The following SLC4A10 variants were observed in gnomAD, a reference collection of about 807,000 sequenced individuals.
SLC4A10 encodes the protein solute carrier family 4 member 10.
A neutral mutation model predicts 137.7 loss-of-function variants in SLC4A10; 42 were observed. That is an observed-to-expected ratio of 0.30 (90% CI 0.24 to 0.39). The LOEUF (loss-of-function observed/expected upper bound fraction) is 0.39. Ranked by LOEUF, SLC4A10 falls within the 10% of genes least tolerant of loss-of-function variation. The pLI is 1.00. For synonymous variants in SLC4A10, 474 were observed against 464.1 expected (o/e 1.02, Z -0.27); for missense variants, 925 against 1,355.0 (o/e 0.68, Z 4.98).
At chr2:161,845,661 C>T (rs571965517) in intron 4 of SLC4A10, among the ~76,000 whole-genome samples, 71 of 151,948 alleles carry the variant, frequency 4.7e-4, no homozygotes, top group African/African-American at 1.6e-3. Flanking sequence ...GAATAGAGAA[C>T]TAAGAAATAG....
intron 10 of SLC4A10, among the ~76,000 whole-genome samples, chr2:161,884,685 G>T (rs1411432209): frequency 6.6e-6 from 1 of 152,190 alleles, no homozygotes; most frequent in African/African-American, 2.4e-5. Context: ...TTATGGGATA[G>T]AGAAGCAGAA....
At chr2:161,708,913 T>C in intron 1 of SLC4A10, 2 of 1,390,626 alleles carry the variant, frequency 1.4e-6, no homozygotes, top group Non-Finnish European at 9.5e-7. Context: ...AATATATTCA[T>C]TAATGTAATT....
chr2:161,681,631 T>C (rs1172513978), intron 1 of SLC4A10, among the ~76,000 whole-genome samples: 1 of 152,188 alleles, frequency 6.6e-6, no homozygotes, highest in African/African-American at 2.4e-5. Flanking sequence ...GTTACTGTAC[T>C]CAATTAAACA....
At chr2:161,782,159 G>A (rs753721617) in intron 2 of SLC4A10, among the ~76,000 whole-genome samples, 8 of 152,008 alleles carry the variant, frequency 5.3e-5, no homozygotes, top group Non-Finnish European at 1.0e-4. Context: ...TTCTCCCTGG[G>A]GATGGAAAGA....
intron 2 of SLC4A10, among the ~76,000 whole-genome samples, chr2:161,783,245 A>G (rs931541063): frequency 1.5e-4 from 23 of 151,990 alleles, no homozygotes; most frequent in Non-Finnish European, 3.1e-4. Context: ...TCCTTCAACC[A>G]GGAAAACTAG....
chr2:161,916,231 G>T (rs1687085857), intron 15 of SLC4A10, among the ~76,000 whole-genome samples: 1 of 152,126 alleles, frequency 6.6e-6, no homozygotes, highest in South Asian at 2.1e-4. Flanking sequence ...GAAGTTATGG[G>T]CAAACTCTTG....
At chr2:161,908,279 GTGTT>G (rs1390329396) in intron 15 of SLC4A10, among the ~76,000 whole-genome samples, 3 of 151,942 alleles carry the variant, frequency 2.0e-5, no homozygotes, top group Admixed American at 6.6e-5. Flanking sequence ...ATAAGGAAAA[GTGTT>G]TGAAAAGAGA....
At chr2:161,923,961 G>A (rs1186032289) in intron 15 of SLC4A10, among the ~76,000 whole-genome samples, 2 of 152,090 alleles carry the variant, frequency 1.3e-5, no homozygotes, top group Admixed American at 6.6e-5. Flanking sequence ...GGATTTGAAT[G>A]AACATAGGAA....
chr2:161,872,319 G>A lies in SLC4A10; in HGVS notation c.793G>A (p.Ala265Thr), dbSNP rs2061179032. The change falls in exon 7 of 27, where the codon GCT becomes ACT. Residue 265 changes from alanine (A) to threonine (T), a missense_variant. Transcript: ENST00000446997. ...NAGQVVSPQS[A>T]PACVENKNDV... ...AGGTCAGGTTGTTTCTCCTCAGTCTGCTCCAGCCTGTGTTGAAAATAAAAA... is the reference window on the plus strand; with the variant it reads ...AGGTCAGGTTGTTTCTCCTCAGTCTACTCCAGCCTGTGTTGAAAATAAAAA... The A allele has an allele frequency of 6.2e-7, 1 of 1,613,556 alleles. No individual in the cohort carries two copies. The highest frequency in any genetic ancestry group is 2.2e-5 in the East Asian group (1 of 44,820).
At chr2:161,798,827 C>T (rs141777438) in intron 2 of SLC4A10, among the ~76,000 whole-genome samples, 1 of 149,454 alleles carries the variant, frequency 6.7e-6, no homozygotes, top group African/African-American at 2.5e-5. Flanking sequence ...TTCAGAAGGC[C>T]TATACAGGCT....
chr2:161,771,643 A>G (rs778576173), intron 2 of SLC4A10, among the ~76,000 whole-genome samples: 8 of 151,872 alleles, frequency 5.3e-5, no homozygotes, highest in Non-Finnish European at 1.0e-4. Context: ...AGGGTCCTGA[A>G]CTATTAAAGC....
At chr2:161,903,789 G>A (rs911768543) in intron 12 of SLC4A10, among the ~76,000 whole-genome samples, 1 of 152,098 alleles carries the variant, frequency 6.6e-6, no homozygotes, top group Admixed American at 6.5e-5. Context: ...GATTTTTGGT[G>A]GTTGACACGA....
intron 15 of SLC4A10, among the ~76,000 whole-genome samples, chr2:161,934,259 A>G (rs1441141898): frequency 6.6e-6 from 1 of 152,094 alleles, no homozygotes; most frequent in African/African-American, 2.4e-5. Flanking sequence ...GATCTTATTC[A>G]TTCTACCTAA....
intron 1 of SLC4A10, among the ~76,000 whole-genome samples, chr2:161,753,909 G>A (rs1488945903): frequency 9.4e-6 from 1 of 106,438 alleles, no homozygotes; most frequent in Non-Finnish European, 2.1e-5. Flanking sequence ...TTTATTTTTG[G>A]GACAGAGCCT....
chr2:161,862,194 T>C (rs1316511125), intron 5 of SLC4A10, among the ~76,000 whole-genome samples: 1 of 152,204 alleles, frequency 6.6e-6, no homozygotes, highest in South Asian at 2.1e-4. Context: ...AGTCTTTGTT[T>C]TGCAGGTATA....
At chr2:161,629,943 G>GA (rs2033204667) in intron 1 of SLC4A10, among the ~76,000 whole-genome samples, 1 of 151,860 alleles carries the variant, frequency 6.6e-6, no homozygotes, top group Admixed American at 6.6e-5. Context: ...TATACCCACT[G>GA]AAAAATATCT....
intron 26 of SLC4A10, among the ~76,000 whole-genome samples, chr2:161,980,256 C>A (rs1388261026): frequency 6.6e-6 from 1 of 152,120 alleles, no homozygotes; most frequent in Admixed American, 6.5e-5. Context: ...AACACCCACC[C>A]CTGCACTCCC....
chr2:161,860,584 G>A (rs187628306), intron 5 of SLC4A10, among the ~76,000 whole-genome samples: 4 of 152,144 alleles, frequency 2.6e-5, no homozygotes, highest in Admixed American at 6.5e-5. Flanking sequence ...TGTCATATAC[G>A]TTGACAATTT....
Position 161,855,078 on chromosome 2 carries a change from G to A in SLC4A10, c.525G>A (p.Leu175=). 1 of 1,613,144 alleles carries A rather than the reference G, an allele frequency of 6.2e-7. No individual in the cohort carries two copies. ...HSLFELRSCI[L]NGTVLLDMHA... ...TGTTTGAATTGAGAAGTTGTATTCT[G>A]AATGGAACTGTGTTGCTGGACATGC... The change falls in exon 5 of 27, where the codon CTG becomes CTA. Residue 175 remains leucine (L), a synonymous_variant. Coordinates refer to ENST00000446997, the MANE Select transcript of SLC4A10 (RefSeq NM_001178015.2).
Sources: gnomAD v4.1 joint callset for allele counts (sites outside exome capture counted in the v4.1 genomes callset) on GRCh38, gnomAD v4.1.1 for gene constraint, MANE v1.5 for transcripts, NCBI Gene and HGNC (gene_info 2026-07-23, HGNC 2026-07-21) for gene names.